PDSS2: variants seen among roughly 807,000 people sequenced by gnomAD.
PDSS2 encodes all trans-polyprenyl-diphosphate synthase PDSS2.
In PDSS2, 31 loss-of-function variants were observed where a neutral mutation model predicts 44.5. That is an observed-to-expected ratio of 0.70 (90% CI 0.52 to 0.94). PDSS2 has a LOEUF of 0.94. Ranked by LOEUF, PDSS2 falls within the 40% of genes least tolerant of loss-of-function variation. PDSS2 has a pLI of 0.00. For synonymous variants in PDSS2, 157 were observed against 180.3 expected (o/e 0.87, Z 1.03); for missense variants, 452 against 482.2 (o/e 0.94, Z 0.59).
chr6:107,236,947 T>G (rs1234678220), intron 4 of PDSS2, among the ~76,000 whole-genome samples: 1 of 152,102 alleles, frequency 6.6e-6, no homozygotes, highest in Non-Finnish European at 1.5e-5. Context: ...ATTATCTTTT[T>G]TTTTTTTTTG....
intron 7 of PDSS2, among the ~76,000 whole-genome samples, chr6:107,189,222 AT>A (rs1427255528): frequency 1.3e-5 from 2 of 151,632 alleles, no homozygotes; most frequent in African/African-American, 4.8e-5. Flanking sequence ...TAATTTTTGT[AT>A]TTTTTTTAGA....
intron 1 of PDSS2, among the ~76,000 whole-genome samples, chr6:107,411,056 T>C (rs751702697): frequency 6.6e-6 from 1 of 151,976 alleles, no homozygotes; most frequent in Non-Finnish European, 1.5e-5. Flanking sequence ...GGCTAATTTT[T>C]GTATTTTTTA....
intron 2 of PDSS2, among the ~76,000 whole-genome samples, chr6:107,305,321 T>G (rs1562449543): frequency 6.6e-6 from 1 of 152,170 alleles, no homozygotes; most frequent in Non-Finnish European, 1.5e-5. Context: ...TTGGTCATTT[T>G]CCACTTCAGG....
intron 1 of PDSS2, among the ~76,000 whole-genome samples, chr6:107,370,465 T>C (rs898254790): frequency 9.2e-5 from 14 of 152,248 alleles, no homozygotes; most frequent in African/African-American, 3.1e-4. Flanking sequence ...ACAAAGCTTC[T>C]TGATCTGCAG....
At chr6:107,212,307 T>A (rs1466297249) in intron 4 of PDSS2, 25 bp from the exon 5 acceptor site, 19 of 1,563,562 alleles carry the variant, frequency 1.2e-5, no homozygotes, top group Non-Finnish European at 1.4e-5. Flanking sequence ...AAAGCCAAGA[T>A]AAAAAAGACT....
chr6:107,324,605 T>G (rs1292154690), intron 2 of PDSS2, among the ~76,000 whole-genome samples: 1 of 152,200 alleles, frequency 6.6e-6, no homozygotes, highest in Non-Finnish European at 1.5e-5. Context: ...AACCCCTTCT[T>G]TCTTCAACCA....
intron 2 of PDSS2, among the ~76,000 whole-genome samples, chr6:107,304,179 A>G (rs1301279538): frequency 1.3e-5 from 2 of 152,134 alleles, no homozygotes; most frequent in East Asian, 3.9e-4. Context: ...TGTCTGTTCT[A>G]TGTGACCCTC....
intron 7 of PDSS2, among the ~76,000 whole-genome samples, chr6:107,158,290 T>C (rs1409274417): frequency 1.3e-5 from 2 of 151,482 alleles, no homozygotes. Flanking sequence ...GGTTCAAGCA[T>C]TTCTCTGCGT....
At chr6:107,288,750 ATTGT>A (rs1776240293) in intron 2 of PDSS2, among the ~76,000 whole-genome samples, 1 of 126,520 alleles carries the variant, frequency 7.9e-6, no homozygotes, top group Non-Finnish European at 1.6e-5. Context: ...CCGGGACGAA[ATTGT>A]TTTTTTTTTT....
chr6:107,163,597 G>T (rs782427463), intron 7 of PDSS2, among the ~76,000 whole-genome samples: 1 of 150,978 alleles, frequency 6.6e-6, no homozygotes, highest in Non-Finnish European at 1.5e-5. Context: ...GAATGATCTT[G>T]TTCTTTTTTT....
chr6:107,339,792 G>A (rs542054583), intron 1 of PDSS2, among the ~76,000 whole-genome samples: 13 of 152,268 alleles, frequency 8.5e-5, no homozygotes, highest in African/African-American at 3.1e-4. Context: ...TGTATGAAGT[G>A]AAACTGGTGG....
intron 1 of PDSS2, among the ~76,000 whole-genome samples, chr6:107,357,462 A>G (rs1045906966): frequency 1.3e-5 from 2 of 152,084 alleles, no homozygotes; most frequent in African/African-American, 4.8e-5. Flanking sequence ...CTAAATCTCA[A>G]AATAAAAGCT....
At position 107,315,516 on chromosome 6, in the gene PDSS2, T is replaced by C. The variant is rs1015405229; in HGVS notation, c.431+18682A>G. On this transcript the variant is annotated intron_variant, in intron 2 of 7. Coordinates refer to ENST00000369037, the MANE Select transcript of PDSS2 (RefSeq NM_020381.4). ...CTCAGTTGTAGTGATTATTCAAGGA[T>C]CCTTTCCTTTCATTTAATGAACACT... Among the ~76,000 whole-genome samples the C allele has an allele frequency of 3.3e-5, 5 of 152,244 alleles. No individual in the cohort carries two copies. In the East Asian group the frequency reaches 9.6e-4, roughly 29 times the overall value.
rs77771356 is a variant in PDSS2, at chr6:107,424,925, G to A, written c.296+34065C>T. ...GTAATTCCCACAATTCCCATGTGCCGTGGGAGGAACCCAGTGGGAGGTGAT... is the reference window on the plus strand; with the variant it reads ...GTAATTCCCACAATTCCCATGTGCCATGGGAGGAACCCAGTGGGAGGTGAT... On this transcript the variant is annotated intron_variant, in intron 1 of 7. Coordinates refer to ENST00000369037, the MANE Select transcript of PDSS2 (RefSeq NM_020381.4). 2.6e-3 allele frequency among the ~76,000 whole-genome samples: 390 copies of A among 152,256 alleles called. 3 individuals carry two copies. The highest frequency in any genetic ancestry group is 8.1e-3 in the African/African-American group (337 of 41,552).
At chr6:107,399,066 C>T (rs1351275354) in intron 1 of PDSS2, among the ~76,000 whole-genome samples, 1 of 152,114 alleles carries the variant, frequency 6.6e-6, no homozygotes, top group Non-Finnish European at 1.5e-5. Context: ...GCACATATAC[C>T]ACCTGCCAAA....
rs879281600 is a variant in PDSS2 at position 107,223,537 on chromosome 6, AAAAC to A, written c.703-11259_703-11256del. On this transcript the variant is annotated intron_variant, in intron 4 of 7. Transcript: ENST00000369037. ...GTGACAGAGTGAGACTCCATCTCAA[AAAAC>A]AAACAAACAAACAAACAAAAACTAG... Among the ~76,000 whole-genome samples the A allele has an allele frequency of 2.8e-4, 42 of 150,824 alleles. 1 individual carries two copies. Among genetic ancestry groups the A allele is most frequent in the South Asian group, 4.2e-4 (2 of 4,802 alleles).
chr6:107,390,091 GA>G (rs1322406652), intron 1 of PDSS2, among the ~76,000 whole-genome samples: 3 of 152,236 alleles, frequency 2.0e-5, no homozygotes, highest in Non-Finnish European at 4.4e-5. Context: ...GGGGAGAAAA[GA>G]GAGATATTCC....
intron 4 of PDSS2, among the ~76,000 whole-genome samples, chr6:107,241,471 C>A (rs1412898482): frequency 6.6e-6 from 1 of 150,376 alleles, no homozygotes; most frequent in African/African-American, 2.4e-5. Flanking sequence ...CTCAGCCTCC[C>A]GAGTAGCTGG....
chr6:107,244,310 A>C (rs1459263933), intron 4 of PDSS2, among the ~76,000 whole-genome samples: 1 of 152,214 alleles, frequency 6.6e-6, no homozygotes, highest in Non-Finnish European at 1.5e-5. Context: ...GGATTAAATG[A>C]AGAAACACAG....
Sources: gnomAD v4.1 joint callset for allele counts (sites outside exome capture counted in the v4.1 genomes callset) on GRCh38, gnomAD v4.1.1 for gene constraint, MANE v1.5 for transcripts, NCBI Gene and HGNC (gene_info 2026-07-23, HGNC 2026-07-21) for gene names.